Variants in AXDND1 observed in about 807,000 individuals in gnomAD.
AXDND1 encodes axonemal dynein light chain domain containing 1.
AXDND1 carries 110 observed loss-of-function variants against 137.5 expected under a neutral mutation model. The ratio of observed to expected loss-of-function variants is 0.80; its 90% CI spans 0.69 to 0.94. AXDND1 has a LOEUF of 0.94. Among genes scored for constraint, AXDND1 ranks in the 40% least tolerant of loss-of-function variants. The pLI, the probability that AXDND1 is intolerant of heterozygous loss-of-function variation, is 0.00. For missense variants in AXDND1, 1,191 were observed against 1,169.8 expected (o/e 1.02, Z -0.26); for synonymous variants, 414 against 399.7 (o/e 1.04, Z -0.43).
chr1:179,506,315 T>C (rs1668531125), intron 20 of AXDND1, among the ~76,000 whole-genome samples: 1 of 152,084 alleles, frequency 6.6e-6, no homozygotes, highest in Non-Finnish European at 1.5e-5. Flanking sequence ...AAGACACACA[T>C]TGACCAGCAC....
At chr1:179,504,441 T>C (rs962914547) in intron 20 of AXDND1, among the ~76,000 whole-genome samples, 3 of 152,126 alleles carry the variant, frequency 2.0e-5, no homozygotes, top group African/African-American at 7.2e-5. Flanking sequence ...TACCTAAAAG[T>C]GGGTAGAGCT....
In AXDND1 at chr1:179,411,212, G is replaced by C. The variant is rs1348481521; in HGVS notation, c.1176G>C (p.Lys392Asn). Residue 392 changes from lysine (K) to asparagine (N), a missense_variant, in exon 12 of 26, where the codon AAG (lysine) becomes AAC (asparagine). Coordinates refer to ENST00000367618, the MANE Select transcript of AXDND1 (RefSeq NM_144696.6). ...QRERMENDMK[K>N]LVAERDIWSS... is the part of the protein sequence containing the mutation. ...AAAGGATGGAGAATGATATGAAAAA[G>C]TTAGTGGCAGAAAGAGATATCTGGA... The C allele has an allele frequency of 6.2e-7, 1 of 1,612,558 alleles. No individual in the cohort carries two copies. Among genetic ancestry groups the C allele is most frequent in the South Asian group, 1.1e-5 (1 of 90,746 alleles).
intron 16 of AXDND1, among the ~76,000 whole-genome samples, chr1:179,460,754 G>C (rs1662203404): frequency 1.3e-5 from 2 of 152,218 alleles, no homozygotes; most frequent in Non-Finnish European, 2.9e-5. Flanking sequence ...TAACTGGTGT[G>C]AGATGGTATC....
chr1:179,373,207 G>A (rs2125053785), intron 4 of AXDND1, among the ~76,000 whole-genome samples: 1 of 152,226 alleles, frequency 6.6e-6, no homozygotes, highest in South Asian at 2.1e-4. Context: ...TCCAAATCAT[G>A]AGTGAACTCC....
rs1553291080 is a variant in AXDND1 at position 179,486,139 on chromosome 1, A to AACT, written c.2091+2919_2091+2920insCTA. Among the ~76,000 whole-genome samples, 19 of 87,806 alleles carry AACT rather than the reference A, an allele frequency of 2.2e-4. 2 individuals carry two copies. The highest frequency in any genetic ancestry group is 1.6e-3 in the South Asian group (3 of 1,926). 57.6% of individuals were successfully genotyped at this position (87,806 alleles called of 152,430 possible). The stretch of plus-strand genomic sequence containing the variant: ...TGTCTCAAAAAAAAAAAAAAAAAAA[A>AACT]AACCTGATAGAAATGAAAAACACAC... On this transcript the variant is annotated intron_variant, in intron 18 of 25. Transcript: ENST00000367618.
Position 179,390,792 on chromosome 1 carries a change from G to A in AXDND1, c.864-3111G>A, listed in dbSNP as rs145531261. ...AATGAAGCCACAGCATTCTGCTTCTGTGCTTTTTATTTTTTATTTATTTAT... is the reference window on the plus strand; with the variant it reads ...AATGAAGCCACAGCATTCTGCTTCTATGCTTTTTATTTTTTATTTATTTAT... On this transcript the variant is annotated intron_variant, in intron 9 of 25. Coordinates refer to ENST00000367618, the MANE Select transcript of AXDND1 (RefSeq NM_144696.6). 4.6e-5 allele frequency among the ~76,000 whole-genome samples: 7 copies of A among 151,598 alleles called. No individual in the cohort carries two copies. In the East Asian group the frequency reaches 1.4e-3, roughly 29 times the overall value.
chr1:179,385,190 T>C, intron 8 of AXDND1, 48 bp from the exon 9 acceptor site: 1 of 1,544,436 alleles, frequency 6.5e-7, no homozygotes, highest in Non-Finnish European at 8.9e-7. Context: ...AAAATGTTTT[T>C]TACTAAGACT....
chr1:179,491,393 G>T (rs1284441546), intron 18 of AXDND1, 145 bp from the exon 19 acceptor site: 4 of 605,260 alleles, frequency 6.6e-6, no homozygotes, highest in Non-Finnish European at 1.2e-5. Context: ...ATAGGGTCAT[G>T]CTAGCTGATG....
chr1:179,526,952 A>G (rs1315362520), intron 22 of AXDND1, among the ~76,000 whole-genome samples: 1 of 152,244 alleles, frequency 6.6e-6, no homozygotes, highest in Non-Finnish European at 1.5e-5. Context: ...CACTTTAAAG[A>G]TAATGGTACT....
intron 9 of AXDND1, among the ~76,000 whole-genome samples, chr1:179,386,901 A>G (rs75900828): frequency 7.5e-4 from 111 of 148,800 alleles, no homozygotes; most frequent in South Asian, 1.9e-3. Context: ...ATTTTTTTGT[A>G]TTTTTTTTTG....
chr1:179,485,728 A>G (rs1665958712), intron 18 of AXDND1, among the ~76,000 whole-genome samples: 2 of 127,158 alleles, frequency 1.6e-5, no homozygotes, highest in Admixed American at 1.7e-4. Context: ...ATGTATAGGA[A>G]CAAAGATCAT....
chr1:179,411,062 A>T, intron 11 of AXDND1, 84 bp from the exon 12 acceptor site: 1 of 1,137,770 alleles, frequency 8.8e-7, no homozygotes, highest in Non-Finnish European at 1.2e-6. Flanking sequence ...TACCTATTTT[A>T]AAACAAATTT....
intron 15 of AXDND1, among the ~76,000 whole-genome samples, chr1:179,442,162 G>T (rs1326514107): frequency 3.9e-5 from 6 of 152,150 alleles, no homozygotes; most frequent in Admixed American, 6.6e-5. Context: ...TTGTATTGGG[G>T]TTTCTATTTC....
chr1:179,528,959 A>C (rs1274046505), intron 23 of AXDND1, among the ~76,000 whole-genome samples: 1 of 152,164 alleles, frequency 6.6e-6, no homozygotes, highest in Non-Finnish European at 1.5e-5. Context: ...TCAGTATTTG[A>C]CTAATTGTTA....
At chr1:179,406,230 G>A (rs1259326343) in intron 11 of AXDND1, among the ~76,000 whole-genome samples, 1 of 152,034 alleles carries the variant, frequency 6.6e-6, no homozygotes. Flanking sequence ...TACTTGATAT[G>A]TTTCCAATTT....
Position 179,492,889 on chromosome 1 carries a change from A to G in AXDND1, c.2326A>G (p.Ser776Gly). 6.2e-7 allele frequency: 1 copy of G among 1,611,092 alleles called. No homozygotes were observed. Among genetic ancestry groups the G allele is most frequent in the Non-Finnish European group, 8.5e-7 (1 of 1,179,210 alleles). The change falls in exon 20 of 26, where the codon AGT becomes GGT. Residue 776 changes from serine (S) to glycine (G), a missense_variant. Ser to Gly is a moderately conservative substitution (Grantham distance 56, BLOSUM62 0). Coordinates refer to ENST00000367618, the MANE Select transcript of AXDND1 (RefSeq NM_144696.6). Reference protein sequence around the residue: ...CKGMVTAMALSKSTNSHKNAT... With the variant: ...CKGMVTAMALGKSTNSHKNAT... Reference sequence around the variant, plus strand: ...AGGGATGGTAACAGCAATGGCTCTGAGTAAATCCACTAACTCACACAAAAA... The same window carrying G: ...AGGGATGGTAACAGCAATGGCTCTGGGTAAATCCACTAACTCACACAAAAA...
intron 16 of AXDND1, chr1:179,456,538 C>T (rs1661430953): frequency 2.6e-6 from 2 of 777,568 alleles, no homozygotes; most frequent in Admixed American, 1.7e-5. Flanking sequence ...CCAACACTTC[C>T]ATAGCCTCTG....
At chr1:179,432,708 G>A (rs1657560735) in intron 15 of AXDND1, among the ~76,000 whole-genome samples, 1 of 152,128 alleles carries the variant, frequency 6.6e-6, no homozygotes, top group East Asian at 1.9e-4. Context: ...TTACAGGTGT[G>A]AGTCACCATG....
intron 21 of AXDND1, among the ~76,000 whole-genome samples, chr1:179,514,375 G>A (rs12065433): frequency 0.01 from 1,588 of 152,120 alleles, 32 homozygotes; most frequent in African/African-American, 0.035. Context: ...TATTTGCATG[G>A]TCTTGAAGGT....
Sources: allele counts gnomAD v4.1 joint callset (sites outside exome capture counted in the v4.1 genomes callset), GRCh38; gene constraint gnomAD v4.1.1; transcripts MANE v1.5; gene names NCBI Gene and HGNC (gene_info 2026-07-23, HGNC 2026-07-21).